NEB: variants seen among roughly 807,000 people sequenced by gnomAD.
NEB encodes nebulin.
A neutral mutation model predicts 952.2 loss-of-function variants in NEB; 512 were observed. That is an observed-to-expected ratio of 0.54 (90% CI 0.50 to 0.58). The LOEUF (loss-of-function observed/expected upper bound fraction) is 0.58. Among genes scored for constraint, NEB ranks in the 20% least tolerant of loss-of-function variants. The pLI is 0.00. For synonymous variants in NEB, 2,900 were observed against 3,149.8 expected, an observed-to-expected ratio of 0.92 and a Z score of 2.66; for missense variants, 8,428 against 9,231.1, an observed-to-expected ratio of 0.91 and a Z score of 3.56.
At chr2:151,656,127 A>G in intron 49 of NEB, 26 bp downstream of exon 49, 1 of 1,574,820 alleles carries the variant, frequency 6.3e-7, no homozygotes, top group Non-Finnish European at 8.6e-7. Flanking sequence ...GATTCCAACC[A>G]TCACCCAAGT....
chr2:151,709,146 A>G (rs1208065225), intron 12 of NEB, among the ~76,000 whole-genome samples: 1 of 152,238 alleles, frequency 6.6e-6, no homozygotes, highest in African/African-American at 2.4e-5. Context: ...GGATTTATGA[A>G]CCTGCGACCA....
At position 151,506,183 on chromosome 2, in the gene NEB, GTGTT is replaced by G. The variant is rs1161478770; in HGVS notation, c.23628_23631del (p.Gln7876HisfsTer8). 4.3e-6 allele frequency: 7 copies of G among 1,612,440 alleles called. No homozygotes were observed. The highest frequency in any genetic ancestry group is 4.0e-5 in the African/African-American group (3 of 74,906). On this transcript the variant is annotated frameshift_variant, in exon 164 of 182. Transcript: ENST00000397345. LOFTEE classifies it high-confidence loss of function. Reference sequence around the variant, plus strand: ...GTCTTTACCGAGCTAATGTGGTCCTGTGTTTGTTTCACTCTCATCATCTCAGGTG... The same window carrying G: ...GTCTTTACCGAGCTAATGTGGTCCTGTGTTTCACTCTCATCATCTCAGGTG...
chr2:151,576,518 T>TATATATATATATATA (rs2096865322), intron 105 of NEB, among the ~76,000 whole-genome samples, 164 bp from the exon 106 acceptor site: 1 of 18,234 alleles, frequency 5.5e-5, no homozygotes, highest in African/African-American at 2.2e-4. Flanking sequence ...ATATATATAT[T>TATATATATATATATA]TTTTTTTTTT....
rs2154135442 is a variant in NEB, at chr2:151,650,856, T to C, written c.6945A>G (p.Gln2315=). 6.2e-7 allele frequency: 1 copy of C among 1,613,228 alleles called. No homozygotes were observed. Among genetic ancestry groups the C allele is most frequent in the Non-Finnish European group, 8.5e-7 (1 of 1,179,398 alleles). Reference sequence around the variant, plus strand: ...TCCGGAATCCAACATGGTGGCCAAGTTGCTTTCGGTAGCCTTGTTTGTATT... The same window carrying C: ...TCCGGAATCCAACATGGTGGCCAAGCTGCTTTCGGTAGCCTTGTTTGTATT... ...DYKYKQGYRK[Q]LGHHVGFRSL... is the part of the protein sequence containing the mutation. The change falls in exon 53 of 182, where the codon CAA becomes CAG. Residue 2315 remains glutamine (Q), a synonymous_variant. Transcript: ENST00000397345.
At chr2:151,496,208 T>TATTA in intron 173 of NEB, 68 bp downstream of exon 173, 5 of 1,407,436 alleles carry the variant, frequency 3.6e-6, no homozygotes, top group Admixed American at 2.0e-5. Context: ...GATTAATATG[T>TATTA]ATTATTTTAA....
intron 24 of NEB, 87 bp from the exon 25 acceptor site, chr2:151,688,483 T>C (rs1355373904): frequency 1.0e-6 from 1 of 998,726 alleles, no homozygotes; most frequent in Non-Finnish European, 1.5e-6. Flanking sequence ...ATTAGTGCTG[T>C]TTTTAGAAAA....
At chr2:151,554,701 G>A (rs922844250) in intron 125 of NEB, among the ~76,000 whole-genome samples, 2 of 152,130 alleles carry the variant, frequency 1.3e-5, no homozygotes, top group East Asian at 1.9e-4. Flanking sequence ...AGTTTTTACT[G>A]TACCTTTTCT....
At chr2:151,712,841 C>G (rs1020442414) in intron 10 of NEB, among the ~76,000 whole-genome samples, 1 of 152,050 alleles carries the variant, frequency 6.6e-6, no homozygotes, top group African/African-American at 2.4e-5. Flanking sequence ...GGGTTACTCA[C>G]GTCAGGGTCC....
intron 145 of NEB, chr2:151,530,747 G>A (rs993712671): frequency 8.0e-6 from 3 of 373,174 alleles, no homozygotes; most frequent in African/African-American, 2.1e-5. Flanking sequence ...GCTAGCCATG[G>A]GAGTGAGCCA....
intron 13 of NEB, among the ~76,000 whole-genome samples, chr2:151,701,257 T>C (rs1464877076): frequency 6.7e-6 from 1 of 149,898 alleles, no homozygotes; most frequent in South Asian, 2.2e-4. Context: ...TGCTGCTGGA[T>C]TCGTTTTGCC....
intron 54 of NEB, among the ~76,000 whole-genome samples, chr2:151,647,771 T>C (rs2098979269): frequency 6.6e-6 from 1 of 152,006 alleles, no homozygotes; most frequent in African/African-American, 2.4e-5. Context: ...TAGTCCAGAG[T>C]AAAGGAGACT....
chr2:151,678,703 G>T (rs1251200593), intron 32 of NEB, among the ~76,000 whole-genome samples: 3 of 152,098 alleles, frequency 2.0e-5, no homozygotes, highest in African/African-American at 7.2e-5. Context: ...ACTGGCTCTG[G>T]ATAACAAAGT....
In NEB at chr2:151,709,665, T is replaced by C; in HGVS notation, c.1026A>G (p.Ala342=). Residue 342 remains alanine, a synonymous_variant, in exon 12 of 182, where the codon GCA becomes GCG. Transcript: ENST00000397345. ...GATGATTTCCTCATACCTTGCTAGC[T>C]GCCACACCAGCTTTTTTATTCATTT... ...EYKMNKKAGV[A]ASKVKYKEDY... is the part of the protein sequence containing the mutation. 3 of 1,592,434 alleles carry C rather than the reference T, an allele frequency of 1.9e-6. No individual in the cohort carries two copies. The highest frequency in any genetic ancestry group is 2.6e-6 in the Non-Finnish European group (3 of 1,167,572).
At chr2:151,492,062 A>G in intron 178 of NEB, 36 bp downstream of exon 178, 3 of 1,598,756 alleles carry the variant, frequency 1.9e-6, no homozygotes, top group Non-Finnish European at 2.6e-6. Context: ...CCCCTCACTT[A>G]AAGTTAATCC....
In NEB at chr2:151,672,379, A is replaced by T. The variant is rs773404854; in HGVS notation, c.4289T>A (p.Ile1430Asn). 7 of 1,596,546 alleles carry T rather than the reference A, an allele frequency of 4.4e-6. No homozygotes were observed. The highest frequency in any genetic ancestry group is 6.0e-6 in the Non-Finnish European group (7 of 1,168,494). The change falls in exon 37 of 182, where the codon ATT becomes AAT. Residue 1430 changes from isoleucine (I) to asparagine (N), a missense_variant. Coordinates refer to ENST00000397345, the MANE Select transcript of NEB (RefSeq NM_001164508.2). ...GTTACACATACTTACATCACTCTGA[A>T]TTTGATTGACATTCCTCGTATGCTC... Reference protein sequence around the residue: ...SLEHTRNVNQIQSDNVYKDEY... With the variant: ...SLEHTRNVNQNQSDNVYKDEY...
intron 116 of NEB, 136 bp downstream of exon 116, chr2:151,565,364 AC>A (rs1227383175): frequency 4.2e-6 from 3 of 717,870 alleles, no homozygotes; most frequent in Non-Finnish European, 7.3e-6. Context: ...TTTAAGACAT[AC>A]CCCCCAAAGA....
chr2:151,728,422 A>T (rs915122830), intron 4 of NEB, among the ~76,000 whole-genome samples: 3 of 152,216 alleles, frequency 2.0e-5, no homozygotes, highest in Admixed American at 6.5e-5. Context: ...GGAGACAAAG[A>T]ATAATGAACT....
Position 151,546,001 on chromosome 2 carries a change from T to TAAAA in NEB, c.20467-7_20467-4dup, listed in dbSNP as rs10687343. On this transcript the variant is annotated splice_polypyrimidine_tract_variant and splice_region_variant and intron_variant, in intron 134 of 181. Coordinates refer to ENST00000397345, the MANE Select transcript of NEB (RefSeq NM_001164508.2). ...TTATCAGTGTATAGGTAATTAGACT[T>TAAAA]AAAAAAAAAAAAAAAAACAGAAATA... The TAAAA allele has an allele frequency of 3.4e-3, 3,214 of 943,646 alleles. No individual in the cohort carries two copies. Among genetic ancestry groups the TAAAA allele is most frequent in the Admixed American group, 4.0e-3 (147 of 36,982 alleles). The allele number at this position is 943,646 out of a possible 1,614,324, so 58.5% of individuals were successfully genotyped here. A position where few individuals can be genotyped will look rare whatever the true frequency, so the allele number is the denominator to read the frequency against.
chr2:151,513,139 A>C (rs1224518458), intron 160 of NEB, among the ~76,000 whole-genome samples: 1 of 152,242 alleles, frequency 6.6e-6, no homozygotes, highest in African/African-American at 2.4e-5. Flanking sequence ...GGAGGATGAC[A>C]AATAAGCAAA....
Sources: gnomAD v4.1 joint callset for allele counts (sites outside exome capture counted in the v4.1 genomes callset) on GRCh38, gnomAD v4.1.1 for gene constraint, MANE v1.5 for transcripts, NCBI Gene and HGNC (gene_info 2026-07-23, HGNC 2026-07-21) for gene names.